SLC25A30: variants seen among roughly 807,000 people sequenced by gnomAD.
SLC25A30 encodes the protein solute carrier family 25 member 30.
Under a neutral mutation model 42.7 loss-of-function variants are expected in SLC25A30, and 29 were observed. That is an observed-to-expected ratio of 0.68 (90% CI 0.51 to 0.93). SLC25A30 has a LOEUF of 0.93. SLC25A30 is among the 40% of genes least tolerant of loss of function. The pLI is 0.00. For missense variants in SLC25A30, 300 were observed against 359.7 expected (o/e 0.83, Z 1.34); for synonymous variants, 124 against 131.0 (o/e 0.95, Z 0.37).
At chr13:45,433,784 G>T in the SLC25A30 span, among the ~76,000 whole-genome samples, 1 of 152,140 alleles carries the variant, frequency 6.6e-6, no homozygotes, top group South Asian at 2.1e-4. Context: ...ATTAAGAAAT[G>T]CATTTTACAT....
intron 2 of SLC25A30, among the ~76,000 whole-genome samples, 186 bp downstream of exon 2, chr13:45,411,176 G>C (rs1882986983): frequency 6.6e-6 from 1 of 152,042 alleles, no homozygotes; most frequent in Admixed American, 6.6e-5. Flanking sequence ...CTGGACTCAA[G>C]AGATTCCCCT....
Position 45,395,257 on chromosome 13 carries a change from C to G in SLC25A30, c.*717G>C, listed in dbSNP as rs1375786619. ...ATGACCTAAGACAGAACCTAAGCTG[C>G]TTGAAAACACCCCCCACCAATACAG... On this transcript the variant is annotated 3_prime_UTR_variant, in exon 10 of 10. Coordinates refer to ENST00000519676, the MANE Select transcript of SLC25A30 (RefSeq NM_001010875.4). The G allele has an allele frequency of 6.1e-6, 6 of 985,462 alleles. No individual in the cohort carries two copies. Among genetic ancestry groups the G allele is most frequent in the Non-Finnish European group, 7.2e-6 (6 of 830,062 alleles). 61.0% of individuals were successfully genotyped at this position (985,462 alleles called of 1,614,324 possible).
intron 4 of SLC25A30, among the ~76,000 whole-genome samples, chr13:45,405,494 AC>A (rs1882412917): frequency 6.6e-6 from 1 of 152,198 alleles, no homozygotes; most frequent in Non-Finnish European, 1.5e-5. Flanking sequence ...AAGCCACAGA[AC>A]CAAAAAGCCA....
chr13:45,427,052 G>T, the SLC25A30 span, among the ~76,000 whole-genome samples: 1 of 151,828 alleles, frequency 6.6e-6, no homozygotes, highest in East Asian at 1.9e-4. Flanking sequence ...CTTGGTAATT[G>T]GATGATGAAA....
At chr13:45,432,190 ACT>A in the SLC25A30 span, among the ~76,000 whole-genome samples, 1 of 150,488 alleles carries the variant, frequency 6.6e-6, no homozygotes, top group Non-Finnish European at 1.5e-5. Flanking sequence ...GAATCATTTG[ACT>A]CTGGGAGGTG....
intron 1 of SLC25A30, among the ~76,000 whole-genome samples, chr13:45,414,697 A>ATAAG: frequency 6.6e-6 from 1 of 151,944 alleles, no homozygotes; most frequent in East Asian, 1.9e-4. Flanking sequence ...TAGGACTGGA[A>ATAAG]TAAGTAAGTA....
In SLC25A30 at chr13:45,395,476, G is replaced by A. The variant is rs1005194538; in HGVS notation, c.*498C>T. 7 of 998,560 alleles carry A rather than the reference G, an allele frequency of 7.0e-6. No individual in the cohort carries two copies. The Admixed American group carries it at 3.8e-4, about 54-fold the overall frequency. The allele number at this position is 998,560 out of a possible 1,614,324, so 61.9% of individuals were successfully genotyped here. On this transcript the variant is annotated 3_prime_UTR_variant, in exon 10 of 10. Transcript: ENST00000519676. ...CATTTCCTGCACCGTTTATACCTGG[G>A]GTTGAACAGTCCAGGTCTCCATACA... is the stretch of plus-strand genomic sequence containing the variant.
At chr13:45,424,809 A>T in the SLC25A30 span, among the ~76,000 whole-genome samples, 2 of 56,498 alleles carry the variant, frequency 3.5e-5, no homozygotes, top group African/African-American at 1.5e-4. Flanking sequence ...AATATATAAA[A>T]AAATATAAAT....
intron 1 of SLC25A30, among the ~76,000 whole-genome samples, chr13:45,413,510 C>T (rs1883199874): frequency 6.6e-6 from 1 of 151,626 alleles, no homozygotes; most frequent in South Asian, 2.1e-4. Flanking sequence ...TGGCTTGAGC[C>T]TAGGAGTTCA....
chr13:45,421,726 G>A (rs889306246), upstream of SLC25A30, among the ~76,000 whole-genome samples: 1 of 152,190 alleles, frequency 6.6e-6, no homozygotes, highest in Admixed American at 6.5e-5. Context: ...TTTGTAAAAT[G>A]TAAGTGCTGT....
upstream of SLC25A30, among the ~76,000 whole-genome samples, chr13:45,419,194 A>G (rs2137713489): frequency 6.7e-6 from 1 of 148,738 alleles, no homozygotes; most frequent in Non-Finnish European, 1.5e-5. Context: ...AAAGAACCGT[A>G]CTATGAGTAG....
chr13:45,396,449 T>C, intron 9 of SLC25A30: 1 of 655,870 alleles, frequency 1.5e-6, no homozygotes, highest in Non-Finnish European at 1.9e-6. Flanking sequence ...AAAGCCAGCA[T>C]TCCTGCTTCA....
chr13:45,400,938 C>A (rs865811358), intron 7 of SLC25A30, 145 bp downstream of exon 7: 9 of 608,458 alleles, frequency 1.5e-5, no homozygotes, highest in Middle Eastern at 4.8e-4. Context: ...CTGTTAACAA[C>A]AGCTGCCTAT....
intron 4 of SLC25A30, 114 bp downstream of exon 4, chr13:45,405,769 T>G: frequency 1.1e-6 from 1 of 877,194 alleles, no homozygotes; most frequent in Non-Finnish European, 1.8e-6. Flanking sequence ...CCAGAGTTCT[T>G]GTAGCAGTAG....
chr13:45,423,851 T>TATATATATAA, the SLC25A30 span, among the ~76,000 whole-genome samples: 1,526 of 57,646 alleles, frequency 0.026, 74 homozygotes, highest in African/African-American at 0.086. Flanking sequence ...AATATGTAAA[T>TATATATATAA]ATATATATAA....
At chr13:45,412,847 C>T (rs565535482) in intron 1 of SLC25A30, among the ~76,000 whole-genome samples, 1 of 152,228 alleles carries the variant, frequency 6.6e-6, no homozygotes, top group Non-Finnish European at 1.5e-5. Context: ...TGGCCTCACA[C>T]CCCTTAACAG....
chr13:45,398,850 T>G, intron 8 of SLC25A30, 90 bp downstream of exon 8: 1 of 1,417,326 alleles, frequency 7.1e-7, no homozygotes, highest in Non-Finnish European at 9.6e-7. Flanking sequence ...ATCATTCATC[T>G]TAGTTTTAGT....
Position 45,393,994 on chromosome 13 carries a change from A to C in SLC25A30, c.*1980T>G. The stretch of plus-strand genomic sequence containing the variant: ...TGAAAAAGTAAAATTTTTCTACATT[A>C]AAAAAAGAGCATTTCAAGAAAAGCA... On this transcript the variant is annotated 3_prime_UTR_variant, in exon 10 of 10. Transcript: ENST00000519676. 2.0e-6 allele frequency: 2 copies of C among 984,748 alleles called. No individual in the cohort carries two copies. The highest frequency in any genetic ancestry group is 2.4e-6 in the Non-Finnish European group (2 of 829,286). The allele number at this position is 984,748 out of a possible 1,614,324, so 61.0% of individuals were successfully genotyped here.
intron 8 of SLC25A30, chr13:45,397,891 GA>G (rs1881522786): frequency 1.0e-6 from 1 of 985,502 alleles, no homozygotes; most frequent in Non-Finnish European, 1.2e-6. Context: ...GTTGAGTGAG[GA>G]AAAAATTAGA....
Sources: allele counts gnomAD v4.1 joint callset (sites outside exome capture counted in the v4.1 genomes callset), GRCh38; gene constraint gnomAD v4.1.1; transcripts MANE v1.5; gene names NCBI Gene and HGNC (gene_info 2026-07-23, HGNC 2026-07-21).